NRXN3: variants seen among roughly 807,000 people sequenced by gnomAD.
NRXN3 encodes the protein neurexin III.
Under a neutral mutation model 137.6 loss-of-function variants are expected in NRXN3, and 32 were observed. The observed-to-expected ratio is 0.23, with a 90% CI of 0.18 to 0.31. NRXN3 has a LOEUF of 0.31. NRXN3 is among the 10% of genes least tolerant of loss of function. The probability of loss-of-function intolerance (pLI) is 1.00; values close to 1 mark genes in which losing one functional copy is unlikely to be tolerated. For missense variants in NRXN3, 1,574 were observed against 2,062.5 expected, an observed-to-expected ratio of 0.76 and a Z score of 4.59; for synonymous variants, 798 against 784.5, an observed-to-expected ratio of 1.02 and a Z score of -0.29.
chr14:78,406,947 A>G (rs1254985965), intron 4 of NRXN3, among the ~76,000 whole-genome samples: 2 of 152,186 alleles, frequency 1.3e-5, no homozygotes, highest in African/African-American at 4.8e-5. Context: ...GCTCTTGGCT[A>G]CCTGCTCCAG....
At chr14:79,826,297 AT>A (rs893673184) in intron 20 of NRXN3, among the ~76,000 whole-genome samples, 10 of 150,726 alleles carry the variant, frequency 6.6e-5, no homozygotes, top group African/African-American at 1.9e-4. Context: ...CCAACCTGAG[AT>A]TTTTTTTTTA....
intron 4 of NRXN3, among the ~76,000 whole-genome samples, chr14:78,486,092 C>T (rs1417269193): frequency 6.6e-6 from 1 of 152,146 alleles, no homozygotes; most frequent in Non-Finnish European, 1.5e-5. Flanking sequence ...CTGGATGAAA[C>T]CATGTGGACA....
In NRXN3 at chr14:79,365,725, C is replaced by CAAAA. The variant is rs569855024; in HGVS notation, c.3263-101480_3263-101477dup. 3.0e-3 allele frequency among the ~76,000 whole-genome samples: 128 copies of CAAAA among 42,242 alleles called. 6 individuals are homozygous for CAAAA. Among genetic ancestry groups the CAAAA allele is most frequent in the African/African-American group, 0.01 (102 of 10,190 alleles). 27.7% of individuals were successfully genotyped at this position (42,242 alleles called of 152,430 possible). On this transcript the variant is annotated intron_variant, in intron 15 of 20. Transcript: ENST00000335750. Reference sequence around the variant, plus strand: ...TGGGCGACAGAGCGAGACTCTGTCTCAAAAAAAAAAAAAAAAAAAGAAAAA... The same window carrying CAAAA: ...TGGGCGACAGAGCGAGACTCTGTCTCAAAAAAAAAAAAAAAAAAAAAAAGAAAAA...
intron 15 of NRXN3, among the ~76,000 whole-genome samples, chr14:79,411,063 A>C (rs902198864): frequency 1.3e-5 from 2 of 152,052 alleles, no homozygotes; most frequent in Non-Finnish European, 2.9e-5. Flanking sequence ...TCTGTGCACC[A>C]CTAGTAGGTT....
rs569825124 is a variant in NRXN3 at position 79,052,936 on chromosome 14, A to G, written c.3262+64795A>G. On this transcript the variant is annotated intron_variant, in intron 15 of 20. Coordinates refer to ENST00000335750, the MANE Select transcript of NRXN3 (RefSeq NM_001330195.2). ...AGTAGTCACTTGGCCTTTAAGTAGC[A>G]GGTAGTGAAAGACAGCAGGGAGAGT... 4.7e-4 allele frequency among the ~76,000 whole-genome samples: 71 copies of G among 152,332 alleles called. 2 individuals are homozygous for G. In the South Asian group the frequency reaches 0.014, roughly 31 times the overall value.
intron 4 of NRXN3, among the ~76,000 whole-genome samples, chr14:78,322,680 C>T (rs1461138219): frequency 6.6e-6 from 1 of 151,998 alleles, no homozygotes; most frequent in Non-Finnish European, 1.5e-5. Context: ...CCTCAGCTCC[C>T]ATCCCACTTG....
chr14:78,222,742 G>C (rs1567002690), intron 1 of NRXN3, among the ~76,000 whole-genome samples: 1 of 151,422 alleles, frequency 6.6e-6, no homozygotes, highest in Non-Finnish European at 1.5e-5. Context: ...ATGAGGTGGG[G>C]CACATCAGAC....
intron 4 of NRXN3, chr14:78,300,827 A>G: frequency 1.5e-6 from 1 of 651,978 alleles, no homozygotes; most frequent in Non-Finnish European, 2.6e-6. Context: ...AAAAATAAGA[A>G]TAAAAATAAA....
chr14:78,592,283 A>G (rs1043267925), intron 4 of NRXN3, among the ~76,000 whole-genome samples: 1 of 152,074 alleles, frequency 6.6e-6, no homozygotes, highest in African/African-American at 2.4e-5. Context: ...ATCTTGTACA[A>G]TTCTTGTGCA....
rs544711592 is a variant in NRXN3 at position 78,174,919 on chromosome 14, T to A, written c.-704+4245T>A. The stretch of plus-strand genomic sequence containing the variant: ...GATGAGGTGGGTGAAATTGAGGGTT[T>A]TCCCTGCTGCCTTGACAGAGCCTGG... On this transcript the variant is annotated intron_variant, in intron 1 of 20. Coordinates refer to ENST00000335750, the MANE Select transcript of NRXN3 (RefSeq NM_001330195.2). 7.2e-5 allele frequency among the ~76,000 whole-genome samples: 11 copies of A among 152,256 alleles called. No individual in the cohort carries two copies. In the East Asian group the frequency reaches 2.1e-3, roughly 29 times the overall value.
intron 3 of NRXN3, among the ~76,000 whole-genome samples, chr14:78,297,004 T>C (rs1301517496): frequency 6.6e-6 from 1 of 152,226 alleles, no homozygotes; most frequent in Non-Finnish European, 1.5e-5. Flanking sequence ...GCTTGTGCTT[T>C]CCTGAACCAA....
intron 15 of NRXN3, among the ~76,000 whole-genome samples, chr14:79,440,437 A>G (rs943587498): frequency 2.6e-5 from 4 of 152,220 alleles, no homozygotes; most frequent in Non-Finnish European, 5.9e-5. Flanking sequence ...TGCTCCTCAT[A>G]AGTAGTTATT....
intron 4 of NRXN3, among the ~76,000 whole-genome samples, chr14:78,629,764 ACT>A (rs962128261): frequency 2.0e-5 from 3 of 152,130 alleles, no homozygotes; most frequent in African/African-American, 7.2e-5. Context: ...AATCTCAAAG[ACT>A]CTTCTGAATT....
intron 15 of NRXN3, among the ~76,000 whole-genome samples, chr14:79,262,833 G>C (rs941191718): frequency 5.3e-5 from 8 of 152,162 alleles, no homozygotes; most frequent in African/African-American, 1.4e-4. Flanking sequence ...CTCCTGGGTG[G>C]ATAGCAACAC....
intron 15 of NRXN3, among the ~76,000 whole-genome samples, chr14:79,318,287 G>A (rs923382949): frequency 1.8e-4 from 28 of 152,336 alleles, no homozygotes; most frequent in Middle Eastern, 6.8e-3. Context: ...CAGCACAGAA[G>A]CCCTCGATGC....
In NRXN3 at chr14:79,086,914, AAGC is replaced by A. The variant is rs554574729; in HGVS notation, c.3262+98776_3262+98778del. ...ACATTTGAATGGGAATTGGTAAAAG[AAGC>A]AGTTCTTAATTATGTCAATTGTCTG... On this transcript the variant is annotated intron_variant, in intron 15 of 20. Transcript: ENST00000335750. 5.8e-4 allele frequency among the ~76,000 whole-genome samples: 89 copies of A among 152,352 alleles called. 1 individual carries two copies. Among genetic ancestry groups the A allele is most frequent in the Admixed American group, 2.9e-3 (45 of 15,306 alleles).
intron 4 of NRXN3, among the ~76,000 whole-genome samples, chr14:78,556,839 C>T (rs1238918078): frequency 6.6e-6 from 1 of 151,478 alleles, no homozygotes; most frequent in Non-Finnish European, 1.5e-5. Context: ...AAAAAAAATA[C>T]ATCTAGGAGA....
intron 15 of NRXN3, among the ~76,000 whole-genome samples, chr14:79,104,094 T>C (rs1321252741): frequency 6.6e-6 from 1 of 152,164 alleles, no homozygotes; most frequent in Non-Finnish European, 1.5e-5. Flanking sequence ...ATCTGAAACG[T>C]TTTTGTTATC....
At chr14:79,379,841 A>T (rs1012434883) in intron 15 of NRXN3, among the ~76,000 whole-genome samples, 2 of 151,690 alleles carry the variant, frequency 1.3e-5, no homozygotes, top group Admixed American at 6.6e-5. Context: ...AAGCCTTTTT[A>T]AAAAAGTACT....
Sources: gnomAD v4.1 joint callset for allele counts (sites outside exome capture counted in the v4.1 genomes callset) on GRCh38, gnomAD v4.1.1 for gene constraint, MANE v1.5 for transcripts, NCBI Gene and HGNC (gene_info 2026-07-23, HGNC 2026-07-21) for gene names.